Variants in NAV3 observed in about 807,000 individuals in gnomAD.
NAV3 encodes neuron navigator 3.
A neutral mutation model predicts 244.7 loss-of-function variants in NAV3; 87 were observed. The observed-to-expected ratio is 0.36, with a 90% CI of 0.30 to 0.42. NAV3 has a LOEUF of 0.42. Among genes scored for constraint, NAV3 ranks in the 20% least tolerant of loss-of-function variants. NAV3 has a pLI of 1.00. For missense variants in NAV3, 2,663 were observed against 2,893.3 expected, an observed-to-expected ratio of 0.92 and a Z score of 1.83; for synonymous variants, 1,126 against 1,042.2, an observed-to-expected ratio of 1.08 and a Z score of -1.55.
intron 2 of NAV3, among the ~76,000 whole-genome samples, chr12:77,593,439 T>A (rs933649322): frequency 3.3e-5 from 5 of 151,292 alleles, no homozygotes; most frequent in Admixed American, 2.0e-4. Context: ...TGTGTTTTTT[T>A]AATTATTATT....
At chr12:77,722,540 T>C (rs1338927245) in intron 2 of NAV3, among the ~76,000 whole-genome samples, 1 of 152,064 alleles carries the variant, frequency 6.6e-6, no homozygotes, top group Non-Finnish European at 1.5e-5. Context: ...TTTTACAAAA[T>C]GGGCAGTATT....
chr12:77,678,357 C>CT (rs1313456098), intron 2 of NAV3, among the ~76,000 whole-genome samples: 1 of 152,022 alleles, frequency 6.6e-6, no homozygotes, highest in Non-Finnish European at 1.5e-5. Context: ...AGCACTTAAA[C>CT]TTTTAACGTT....
At chr12:78,054,920 A>G (rs1305072524) in intron 11 of NAV3, among the ~76,000 whole-genome samples, 1 of 152,178 alleles carries the variant, frequency 6.6e-6, no homozygotes, top group Non-Finnish European at 1.5e-5. Flanking sequence ...TGTCCAGGAT[A>G]GAGATCTATT....
intron 39 of NAV3, among the ~76,000 whole-genome samples, chr12:78,209,135 A>G (rs1049864373): frequency 1.3e-5 from 2 of 152,160 alleles, no homozygotes; most frequent in African/African-American, 2.4e-5. Context: ...AGGTTAAAAC[A>G]TATTTTCCTG....
chr12:77,686,767 G>A (rs1248614309), intron 2 of NAV3, among the ~76,000 whole-genome samples: 3 of 152,046 alleles, frequency 2.0e-5, no homozygotes, highest in African/African-American at 7.2e-5. Flanking sequence ...TTTACAGTAC[G>A]AGGTCTTAAC....
intron 1 of NAV3, among the ~76,000 whole-genome samples, chr12:77,895,097 A>C (rs192676189): frequency 6.6e-6 from 1 of 152,250 alleles, no homozygotes; most frequent in East Asian, 1.9e-4. Flanking sequence ...TGAAAGAAGA[A>C]AGAGAGATAG....
chr12:77,796,632 TG>T (rs1172349851), intron 2 of NAV3, among the ~76,000 whole-genome samples: 1 of 152,150 alleles, frequency 6.6e-6, no homozygotes, highest in Non-Finnish European at 1.5e-5. Context: ...GAAATTGTCA[TG>T]AAAGGAAGAG....
intron 2 of NAV3, among the ~76,000 whole-genome samples, chr12:77,755,711 T>C (rs1231668818): frequency 3.3e-5 from 5 of 150,068 alleles, no homozygotes. Context: ...CCTTTTTCTT[T>C]ATTTTCTTTC....
At chr12:77,883,660 T>A (rs1228613596) in intron 1 of NAV3, among the ~76,000 whole-genome samples, 2 of 151,802 alleles carry the variant, frequency 1.3e-5, no homozygotes, top group Non-Finnish European at 2.9e-5. Flanking sequence ...AGAGAAAGAG[T>A]ATGGGAGTGA....
intron 2 of NAV3, among the ~76,000 whole-genome samples, chr12:77,814,631 A>G (rs1872454975): frequency 6.6e-6 from 1 of 152,158 alleles, no homozygotes; most frequent in South Asian, 2.1e-4. Context: ...CAACTGAGAA[A>G]GTAGGCCTTA....
At chr12:77,843,090 G>C (rs1337039829) in intron 1 of NAV3, among the ~76,000 whole-genome samples, 1 of 151,640 alleles carries the variant, frequency 6.6e-6, no homozygotes, top group Admixed American at 6.6e-5. Context: ...TTATTATTTT[G>C]ACTCATATAT....
intron 2 of NAV3, among the ~76,000 whole-genome samples, chr12:77,688,042 G>A (rs1283563185): frequency 1.3e-5 from 2 of 151,842 alleles, no homozygotes. Flanking sequence ...AAATATCATA[G>A]CCAATTAAGA....
chr12:77,850,815 G>A (rs1284123348), intron 1 of NAV3, among the ~76,000 whole-genome samples: 1 of 152,072 alleles, frequency 6.6e-6, no homozygotes, highest in East Asian at 1.9e-4. Context: ...TACTCTTTGG[G>A]TCCTTGCTGG....
At position 77,817,017 on chromosome 12, in the gene NAV3, A is replaced by G. The variant is rs568727799; in HGVS notation, c.73-123302A>G. ...CTGCACGGCTGGTATTTTATCTGCA[A>G]CTGTCAAACTCTGGTAGTTCTTTTT... is the stretch of plus-strand genomic sequence containing the variant. On this transcript the variant is annotated intron_variant, in intron 2 of 8. Coordinates refer to the NAV3 transcript ENST00000550042. 4.6e-5 allele frequency among the ~76,000 whole-genome samples: 7 copies of G among 152,342 alleles called. No individual in the cohort carries two copies. In the South Asian group the frequency reaches 1.4e-3, roughly 32 times the overall value.
chr12:77,648,395 C>CA (rs1311122962), intron 2 of NAV3, among the ~76,000 whole-genome samples: 1 of 151,954 alleles, frequency 6.6e-6, no homozygotes, highest in Non-Finnish European at 1.5e-5. Flanking sequence ...TGTTTTATGT[C>CA]AAAAATATCA....
intron 19 of NAV3, among the ~76,000 whole-genome samples, chr12:78,137,914 C>T (rs546105759): frequency 5.5e-4 from 84 of 152,128 alleles, no homozygotes; most frequent in African/African-American, 1.9e-3. Context: ...TTATATAGTT[C>T]TATGTAAATA....
intron 2 of NAV3, among the ~76,000 whole-genome samples, chr12:77,718,009 C>T (rs1048382956): frequency 6.6e-6 from 1 of 151,952 alleles, no homozygotes. Flanking sequence ...GCAAACATTC[C>T]CTCCCATTCC....
chr12:78,120,005 A>G, intron 15 of NAV3, 60 bp downstream of exon 15: 1 of 1,285,986 alleles, frequency 7.8e-7, no homozygotes, highest in Non-Finnish European at 1.1e-6. Context: ...TTAGACACAT[A>G]CATTACATAT....
intron 12 of NAV3, among the ~76,000 whole-genome samples, chr12:78,114,696 G>T (rs903632256): frequency 6.6e-6 from 1 of 152,142 alleles, no homozygotes; most frequent in Non-Finnish European, 1.5e-5. Flanking sequence ...GGAGATTTGG[G>T]TGGGGACACA....
Sources: gnomAD v4.1 joint callset for allele counts (sites outside exome capture counted in the v4.1 genomes callset) on GRCh38, gnomAD v4.1.1 for gene constraint, MANE v1.5 for transcripts, NCBI Gene and HGNC (gene_info 2026-07-23, HGNC 2026-07-21) for gene names.